BANP: variants seen among roughly 807,000 people sequenced by gnomAD.
BANP encodes the protein protein BANP.
Under a neutral mutation model 68.1 loss-of-function variants are expected in BANP, and 11 were observed. That is an observed-to-expected ratio of 0.16 (90% CI 0.10 to 0.27). The LOEUF (loss-of-function observed/expected upper bound fraction) is 0.27. BANP is among the 10% of genes least tolerant of loss of function. The probability of loss-of-function intolerance (pLI) is 1.00; values close to 1 mark genes in which losing one functional copy is unlikely to be tolerated. For synonymous variants in BANP, 329 were observed against 303.2 expected (o/e 1.09, Z -0.88); for missense variants, 504 against 722.7 (o/e 0.70, Z 3.47).
chr16:87,984,128 C>T lies in BANP; in HGVS notation c.231C>T (p.Ala77=). Residue 77 remains alanine (A), a synonymous_variant, in exon 4 of 14, where the codon GCC becomes GCT. Coordinates refer to ENST00000682872, the MANE Select transcript of BANP (RefSeq NM_001386991.1). ...RLDSIEAKLQ[A]LEATCKSLEE... is the part of the protein sequence containing the mutation. ...ATAGCATTGAAGCCAAATTGCAAGCCCTGGAGGCTACTTGTAAATCCTTAG... is the reference window on the plus strand; with the variant it reads ...ATAGCATTGAAGCCAAATTGCAAGCTCTGGAGGCTACTTGTAAATCCTTAG... 2 of 1,613,084 alleles carry T rather than the reference C, an allele frequency of 1.2e-6. No homozygotes were observed. Among genetic ancestry groups the T allele is most frequent in the Non-Finnish European group, 1.7e-6 (2 of 1,179,440 alleles).
At chr16:88,009,664 G>A (rs1029011958) in intron 6 of BANP, among the ~76,000 whole-genome samples, 1 of 151,930 alleles carries the variant, frequency 6.6e-6, no homozygotes, top group African/African-American at 2.4e-5. Flanking sequence ...GCTCCTGACT[G>A]TTGAAAGCAT....
In BANP at chr16:88,013,526, C is replaced by T. The variant is rs572458794; in HGVS notation, c.656-4902C>T. Reference sequence around the variant, plus strand: ...CTGCCCGCACCCACTAGAGCTCAGCCTGCCTGATGGGACGGGCTCTCTCTC... The same window carrying T: ...CTGCCCGCACCCACTAGAGCTCAGCTTGCCTGATGGGACGGGCTCTCTCTC... On this transcript the variant is annotated intron_variant, in intron 6 of 13. Coordinates refer to ENST00000682872, the MANE Select transcript of BANP (RefSeq NM_001386991.1). Among the ~76,000 whole-genome samples the T allele has an allele frequency of 2.8e-4, 43 of 152,260 alleles. 1 individual carries two copies. The highest frequency in any genetic ancestry group is 3.4e-3 in the Middle Eastern group (1 of 294).
chr16:87,970,344 C>G (rs571510397), intron 1 of BANP, among the ~76,000 whole-genome samples: 21 of 152,332 alleles, frequency 1.4e-4, no homozygotes, highest in Non-Finnish European at 2.5e-4. Context: ...ATAGATGGTG[C>G]TGAATTCTTC....
intron 4 of BANP, among the ~76,000 whole-genome samples, chr16:87,999,283 T>A: frequency 1.3e-5 from 1 of 76,014 alleles, no homozygotes; most frequent in African/African-American, 4.9e-5. Flanking sequence ...TCTCCATGCA[T>A]GCACTTGCAC....
chr16:88,068,336 G>T (rs2089353299), intron 12 of BANP, among the ~76,000 whole-genome samples: 1 of 152,238 alleles, frequency 6.6e-6, no homozygotes, highest in Admixed American at 6.5e-5. Flanking sequence ...TGGAGTGCAG[G>T]CAGGTGGGCA....
chr16:88,041,922 A>ACAGTAGGAGGGTGGGAGACG (rs2080901761), intron 11 of BANP, among the ~76,000 whole-genome samples: 6 of 152,202 alleles, frequency 3.9e-5, no homozygotes, highest in South Asian at 2.1e-4. Flanking sequence ...CCTGAGAGAC[A>ACAGTAGGAGGGTGGGAGACG]CAGTAGGAGG....
At chr16:88,049,320 G>T (rs891798643) in intron 11 of BANP, among the ~76,000 whole-genome samples, 2 of 152,132 alleles carry the variant, frequency 1.3e-5, no homozygotes, top group Admixed American at 6.6e-5. Context: ...TTATCATAAA[G>T]AATACTACAT....
In BANP at chr16:87,976,476, T is replaced by TTTTTTTTG. The variant is rs1361200036; in HGVS notation, c.70+1298_70+1299insGTTTTTTT. ...GTCCACACTTATTGTTTTAAAAAGT[T>TTTTTTTTG]TTTTTTTTTTTTTGGCCATAAAGTA... On this transcript the variant is annotated intron_variant, in intron 2 of 13. Coordinates refer to ENST00000682872, the MANE Select transcript of BANP (RefSeq NM_001386991.1). Among the ~76,000 whole-genome samples, 3 of 145,832 alleles carry TTTTTTTTG rather than the reference T, an allele frequency of 2.1e-5. No individual in the cohort carries two copies. The East Asian group carries it at 5.9e-4, about 29-fold the overall frequency.
intron 11 of BANP, among the ~76,000 whole-genome samples, chr16:88,059,137 A>AGGTCC (rs1274289068): frequency 1.7e-5 from 2 of 118,948 alleles, no homozygotes; most frequent in Non-Finnish European, 3.3e-5. Context: ...TGGTGTGCTG[A>AGGTCC]GGTCCGTGCT....
intron 1 of BANP, among the ~76,000 whole-genome samples, chr16:87,962,255 A>AAAAAAAAAAAAAAAAC (rs2059318249): frequency 2.0e-5 from 3 of 147,680 alleles, no homozygotes; most frequent in South Asian, 2.1e-4. Flanking sequence ...AAAAAAAAAA[A>AAAAAAAAAAAAAAAAC]AGAAAGCACA....
At chr16:87,951,420 C>G (rs2056811500), upstream of BANP, 1 of 151,846 alleles carries the variant, frequency 6.6e-6, no homozygotes, top group Non-Finnish European at 1.5e-5. Flanking sequence ...GGGAGGGGCT[C>G]GCGGCGCCTG....
intron 11 of BANP, among the ~76,000 whole-genome samples, chr16:88,059,406 C>T (rs1410294067): frequency 6.6e-6 from 1 of 152,182 alleles, no homozygotes; most frequent in East Asian, 1.9e-4. Flanking sequence ...CATAAGGCCC[C>T]TGTCACTGGG....
chr16:88,059,420 G>T (rs752864329), intron 11 of BANP, among the ~76,000 whole-genome samples: 1 of 152,004 alleles, frequency 6.6e-6, no homozygotes, highest in African/African-American at 2.4e-5. Context: ...CACTGGGTTC[G>T]GGCCCACCTG....
intron 8 of BANP, among the ~76,000 whole-genome samples, chr16:88,030,235 C>G (rs1393277508): frequency 6.6e-6 from 1 of 152,176 alleles, no homozygotes; most frequent in Non-Finnish European, 1.5e-5. Flanking sequence ...AGATTGTGAC[C>G]TATGATCAGA....
At chr16:87,959,557 C>A (rs8060746) in intron 1 of BANP, among the ~76,000 whole-genome samples, 3,091 of 152,316 alleles carry the variant, frequency 0.02, 97 homozygotes, top group African/African-American at 0.07. Flanking sequence ...GGGGAGGAGG[C>A]CCCCTGGAGG....
chr16:87,997,350 A>C (rs2067548117), intron 4 of BANP, among the ~76,000 whole-genome samples: 1 of 152,292 alleles, frequency 6.6e-6, no homozygotes, highest in Non-Finnish European at 1.5e-5. Flanking sequence ...AAATAGGATC[A>C]TTGCTGTTCT....
intron 4 of BANP, among the ~76,000 whole-genome samples, chr16:87,992,790 C>CAAA (rs67037373): frequency 8.1e-5 from 11 of 136,594 alleles, no homozygotes; most frequent in African/African-American, 2.9e-4. Context: ...TGAGACTCCT[C>CAAA]AAAAAAAAAA....
At chr16:87,990,827 A>G (rs555043029) in intron 4 of BANP, among the ~76,000 whole-genome samples, 4 of 152,262 alleles carry the variant, frequency 2.6e-5, no homozygotes, top group East Asian at 1.9e-4. Flanking sequence ...CAGTGGCGCA[A>G]TCTCGGCTCA....
intron 6 of BANP, among the ~76,000 whole-genome samples, chr16:88,010,902 A>G (rs547037809): frequency 3.6e-4 from 55 of 152,232 alleles, no homozygotes; most frequent in Non-Finnish European, 6.2e-4. Flanking sequence ...ATTCGTGCAC[A>G]TGGAAAGGAG....
Sources: allele counts gnomAD v4.1 joint callset (sites outside exome capture counted in the v4.1 genomes callset), GRCh38; gene constraint gnomAD v4.1.1; transcripts MANE v1.5; gene names NCBI Gene and HGNC (gene_info 2026-07-23, HGNC 2026-07-21).